Variants in FSTL4 observed in about 807,000 individuals in gnomAD.
FSTL4 encodes follistatin-related protein 4.
A neutral mutation model predicts 78.2 loss-of-function variants in FSTL4; 28 were observed. The observed-to-expected ratio is 0.36, with a 90% CI of 0.27 to 0.49. The LOEUF (loss-of-function observed/expected upper bound fraction) is 0.49, where lower values mean the gene tolerates loss of function less well. Among genes scored for constraint, FSTL4 ranks in the 20% least tolerant of loss-of-function variants. FSTL4 has a pLI of 0.98. For missense variants in FSTL4, 922 were observed against 1,084.9 expected (o/e 0.85, Z 2.11); for synonymous variants, 422 against 440.5 (o/e 0.96, Z 0.53).
rs547495583 is a variant in FSTL4, at chr5:133,335,765, G to A, written c.410-19113C>T. 8.6e-5 allele frequency among the ~76,000 whole-genome samples: 13 copies of A among 151,982 alleles called. No individual in the cohort carries two copies. In the South Asian group the frequency reaches 2.7e-3, roughly 32 times the overall value. Reference sequence around the variant, plus strand: ...ATAAAGCTGATTCTTCCTCCAGCATGCAGTGTGATGCCCACCAAGAAGATG... The same window carrying A: ...ATAAAGCTGATTCTTCCTCCAGCATACAGTGTGATGCCCACCAAGAAGATG... On this transcript the variant is annotated intron_variant, in intron 4 of 15. Transcript: ENST00000265342.
intron 13 of FSTL4, among the ~76,000 whole-genome samples, chr5:133,216,799 T>C (rs1457322667): frequency 6.6e-6 from 1 of 152,252 alleles, no homozygotes; most frequent in African/African-American, 2.4e-5. Flanking sequence ...CGAGGCCCTG[T>C]GTGAGTGGGC....
the FSTL4 span, among the ~76,000 whole-genome samples, chr5:133,788,475 C>A: frequency 6.6e-6 from 1 of 152,234 alleles, no homozygotes; most frequent in African/African-American, 2.4e-5. Flanking sequence ...GCCGCTCACA[C>A]CAGTAGCCTC....
the FSTL4 span, among the ~76,000 whole-genome samples, chr5:133,687,570 C>T: frequency 2.6e-5 from 4 of 152,170 alleles, no homozygotes; most frequent in Non-Finnish European, 4.4e-5. Flanking sequence ...ACTGGAAGGG[C>T]TTTGGAAAGC....
At chr5:133,224,496 A>T (rs1751262870) in intron 10 of FSTL4, 2 of 315,114 alleles carry the variant, frequency 6.3e-6, no homozygotes, top group Non-Finnish European at 1.2e-5. Flanking sequence ...CTCACATTTC[A>T]TGGATGATCA....
At chr5:133,682,398 C>T in the FSTL4 span, among the ~76,000 whole-genome samples, 1 of 152,206 alleles carries the variant, frequency 6.6e-6, no homozygotes, top group Admixed American at 6.5e-5. Flanking sequence ...CAGGGACTGC[C>T]TTGAATTCAT....
At chr5:133,390,729 T>C (rs1187556296) in intron 4 of FSTL4, among the ~76,000 whole-genome samples, 1 of 152,232 alleles carries the variant, frequency 6.6e-6, no homozygotes, top group African/African-American at 2.4e-5. Context: ...CTGATGGAGA[T>C]GAGCAGTCAT....
At chr5:133,648,884 G>C in the FSTL4 span, among the ~76,000 whole-genome samples, 1 of 152,074 alleles carries the variant, frequency 6.6e-6, no homozygotes, top group Non-Finnish European at 1.5e-5. Context: ...ATGTATGTGT[G>C]TCTATAGTTC....
the FSTL4 span, among the ~76,000 whole-genome samples, chr5:133,654,031 A>G: frequency 6.6e-6 from 1 of 152,240 alleles, no homozygotes; most frequent in African/African-American, 2.4e-5. Context: ...GGCAGGAAGA[A>G]AACTCTAGGG....
intron 6 of FSTL4, chr5:133,275,857 T>G (rs1752871644): frequency 6.6e-6 from 1 of 152,170 alleles, no homozygotes; most frequent in Non-Finnish European, 1.5e-5. Context: ...CACGGCAAGG[T>G]AGCAGAAAAC....
chr5:133,356,183 T>C (rs1754941630), intron 4 of FSTL4, among the ~76,000 whole-genome samples: 1 of 152,240 alleles, frequency 6.6e-6, no homozygotes, highest in African/African-American at 2.4e-5. Flanking sequence ...GAAATAATTC[T>C]TATTTGCCAT....
intron 3 of FSTL4, among the ~76,000 whole-genome samples, chr5:133,435,062 T>A (rs1218768256): frequency 6.6e-6 from 1 of 152,208 alleles, no homozygotes; most frequent in Admixed American, 6.5e-5. Flanking sequence ...ATTTGCCTTA[T>A]GATATACAGA....
intron 6 of FSTL4, among the ~76,000 whole-genome samples, chr5:133,264,917 G>A (rs1752610022): frequency 6.6e-6 from 1 of 152,200 alleles, no homozygotes; most frequent in Non-Finnish European, 1.5e-5. Flanking sequence ...GGCAGAGGCT[G>A]CCAGCTGGCT....
Position 133,233,503 on chromosome 5 carries a change from T to C in FSTL4, c.929A>G (p.Lys310Arg), listed in dbSNP as rs1187069574. 6.2e-7 allele frequency: 1 copy of C among 1,614,046 alleles called. No individual in the cohort carries two copies. Among genetic ancestry groups the C allele is most frequent in the Non-Finnish European group, 8.5e-7 (1 of 1,179,992 alleles). The change falls in exon 8 of 16, where the codon AAG becomes AGG. Residue 310 changes from lysine (K) to arginine (R), a missense_variant. Lys to Arg is a conservative substitution (Grantham distance 26). Coordinates refer to ENST00000265342, the MANE Select transcript of FSTL4 (RefSeq NM_015082.2). ...ATTGCCCATGTGGATGGTGGTCACC[T>C]TGGTGATGTACAGGGAATCATCCTC... ...FGEDDSLYIT[K>R]VTTIHMGNYT...
chr5:133,682,924 T>C, the FSTL4 span, among the ~76,000 whole-genome samples: 3 of 152,078 alleles, frequency 2.0e-5, no homozygotes, highest in Non-Finnish European at 2.9e-5. Flanking sequence ...TTGTGTACAG[T>C]TACCCCGCAA....
intron 8 of FSTL4, among the ~76,000 whole-genome samples, chr5:133,229,107 T>C (rs571782554): frequency 3.3e-5 from 5 of 152,302 alleles, no homozygotes; most frequent in Admixed American, 3.3e-4. Flanking sequence ...ATAACCTCAC[T>C]GATGACATTA....
chr5:133,525,046 A>G (rs1056174617), intron 3 of FSTL4, among the ~76,000 whole-genome samples: 1 of 152,198 alleles, frequency 6.6e-6, no homozygotes, highest in Non-Finnish European at 1.5e-5. Context: ...ACCCTGTTAC[A>G]TGGAGTCTTC....
intron 4 of FSTL4, among the ~76,000 whole-genome samples, chr5:133,351,237 G>C (rs1469105101): frequency 6.6e-6 from 1 of 152,018 alleles, no homozygotes. Context: ...TGTAGGTAAT[G>C]TCTTTTATCT....
chr5:133,221,907 T>TTTTTTTTTTG (rs1751133196), intron 11 of FSTL4, among the ~76,000 whole-genome samples: 1 of 114,118 alleles, frequency 8.8e-6, no homozygotes, highest in African/African-American at 4.4e-5. Flanking sequence ...TTTTTTTTTT[T>TTTTTTTTTTG]TTTTTTTTTT....
chr5:133,525,945 T>C (rs1759088409), intron 3 of FSTL4, among the ~76,000 whole-genome samples: 1 of 152,164 alleles, frequency 6.6e-6, no homozygotes, highest in South Asian at 2.1e-4. Flanking sequence ...TAGTTGAGCA[T>C]GTATTACATG....
Sources: allele counts gnomAD v4.1 joint callset (sites outside exome capture counted in the v4.1 genomes callset), GRCh38; gene constraint gnomAD v4.1.1; transcripts MANE v1.5; gene names NCBI Gene and HGNC (gene_info 2026-07-23, HGNC 2026-07-21).